ADAMTS17: variants seen among roughly 807,000 people sequenced by gnomAD.
ADAMTS17 encodes A disintegrin and metalloproteinase with thrombospondin motifs 17.
Under a neutral mutation model 141.5 loss-of-function variants are expected in ADAMTS17, and 113 were observed. That is an observed-to-expected ratio of 0.80 (90% confidence interval 0.69 to 0.93). The LOEUF is 0.93. ADAMTS17 is among the 40% of genes least tolerant of loss of function. The pLI is 0.00. For synonymous variants in ADAMTS17, 768 were observed against 630.6 expected (o/e 1.22, Z -3.27); for missense variants, 1,659 against 1,517.9 (o/e 1.09, Z -1.54).
chr15:99,984,381 C>T (rs566100476), intron 20 of ADAMTS17, among the ~76,000 whole-genome samples: 34 of 152,216 alleles, frequency 2.2e-4, no homozygotes, highest in African/African-American at 8.2e-4. Flanking sequence ...GCCATGCCGC[C>T]ATCACGTGTG....
At chr15:100,079,462 T>G (rs10152706) in intron 15 of ADAMTS17, among the ~76,000 whole-genome samples, 23,642 of 152,152 alleles carry the variant, frequency 0.16, 3,544 homozygotes, top group African/African-American at 0.4. Flanking sequence ...CGTATTATAC[T>G]ACTCCATTTA....
chr15:100,317,254 G>T (rs1420860324), intron 3 of ADAMTS17, among the ~76,000 whole-genome samples: 1 of 152,176 alleles, frequency 6.6e-6, no homozygotes, highest in Non-Finnish European at 1.5e-5. Context: ...TCTCCTCAAA[G>T]CTTGTGAGGC....
rs141266663 is a variant in ADAMTS17 at position 100,215,319 on chromosome 15, A to G, written c.1076-15896T>C. Among the ~76,000 whole-genome samples the G allele has an allele frequency of 1.2e-3, 182 of 152,314 alleles. 1 individual carries two copies. Among genetic ancestry groups the G allele is most frequent in the African/African-American group, 4.2e-3 (176 of 41,568 alleles). ...TTTCCTGGACTCTTTGTTAGATTTC[A>G]TGTCTGGATCTCGTCTGGAACATCT... On this transcript the variant is annotated intron_variant, in intron 7 of 21. Transcript: ENST00000268070.
intron 15 of ADAMTS17, among the ~76,000 whole-genome samples, chr15:100,089,929 A>T (rs2035348218): frequency 6.6e-6 from 1 of 151,832 alleles, no homozygotes; most frequent in Non-Finnish European, 1.5e-5. Context: ...ACTTGTATAC[A>T]TATGTAACAA....
intron 15 of ADAMTS17, among the ~76,000 whole-genome samples, chr15:100,057,608 G>A (rs1330883894): frequency 6.6e-6 from 1 of 152,178 alleles, no homozygotes; most frequent in African/African-American, 2.4e-5. Flanking sequence ...CTCCCTTTAA[G>A]CAATGGTACC....
chr15:100,337,287 G>A (rs1187310912), intron 2 of ADAMTS17, among the ~76,000 whole-genome samples: 5 of 152,252 alleles, frequency 3.3e-5, no homozygotes, highest in Non-Finnish European at 7.3e-5. Context: ...AATGTCCCAT[G>A]TGCCACAAAT....
chr15:100,086,935 G>T (rs2035142715), intron 15 of ADAMTS17, among the ~76,000 whole-genome samples: 1 of 152,150 alleles, frequency 6.6e-6, no homozygotes, highest in Non-Finnish European at 1.5e-5. Flanking sequence ...GAAAGAACCA[G>T]AGAATCAAGA....
chr15:100,059,324 A>G (rs1243693858), intron 15 of ADAMTS17, among the ~76,000 whole-genome samples: 2 of 152,236 alleles, frequency 1.3e-5, no homozygotes, highest in Non-Finnish European at 2.9e-5. Context: ...CTGCAAATGC[A>G]GCTTTCCAGC....
intron 15 of ADAMTS17, among the ~76,000 whole-genome samples, chr15:100,087,442 T>C (rs909282573): frequency 2.2e-5 from 3 of 137,200 alleles, no homozygotes; most frequent in Non-Finnish European, 4.5e-5. Flanking sequence ...CTTCTGAAAC[T>C]ATTCCAATCA....
At chr15:100,003,389 C>T (rs1053140033) in intron 18 of ADAMTS17, among the ~76,000 whole-genome samples, 1 of 152,022 alleles carries the variant, frequency 6.6e-6, no homozygotes, top group Non-Finnish European at 1.5e-5. Flanking sequence ...CCCAGGGAGG[C>T]GACTTGCTCT....
chr15:100,201,944 G>T (rs552883065), intron 7 of ADAMTS17, among the ~76,000 whole-genome samples: 3 of 152,184 alleles, frequency 2.0e-5, no homozygotes, highest in Admixed American at 2.0e-4. Flanking sequence ...GCACGCACAC[G>T]CTCAGACACA....
rs530639578 is a variant in ADAMTS17 at position 100,272,503 on chromosome 15, T to C, written c.789+8726A>G. On this transcript the variant is annotated intron_variant, in intron 4 of 21. Coordinates refer to ENST00000268070, the MANE Select transcript of ADAMTS17 (RefSeq NM_139057.4). The stretch of plus-strand genomic sequence containing the variant: ...TTCTTTTCAGATTATTGTTAGCATA[T>C]AGAAATGCAACTGATTTTTGTGGTT... Among the ~76,000 whole-genome samples, 23 of 150,842 alleles carry C rather than the reference T, an allele frequency of 1.5e-4. No homozygotes were observed. The South Asian group carries it at 4.7e-3, about 31-fold the overall frequency.
intron 20 of ADAMTS17, among the ~76,000 whole-genome samples, chr15:99,986,642 G>T (rs2060592706): frequency 6.6e-6 from 1 of 152,020 alleles, no homozygotes; most frequent in Non-Finnish European, 1.5e-5. Context: ...GTTAAGTCAT[G>T]GTTTTCTTTA....
chr15:100,285,786 G>A (rs545570941), intron 3 of ADAMTS17, among the ~76,000 whole-genome samples: 34 of 152,282 alleles, frequency 2.2e-4, no homozygotes, highest in Middle Eastern at 3.4e-3. Flanking sequence ...AGGGTTTTGC[G>A]TGGGAACAGG....
At chr15:100,165,114 C>T (rs1175986917) in intron 8 of ADAMTS17, among the ~76,000 whole-genome samples, 1 of 152,226 alleles carries the variant, frequency 6.6e-6, no homozygotes, top group Non-Finnish European at 1.5e-5. Context: ...GACTATAGGG[C>T]TGAAGCTCCT....
intron 18 of ADAMTS17, among the ~76,000 whole-genome samples, chr15:100,034,299 T>G (rs142904953): frequency 8.8e-4 from 134 of 152,364 alleles, no homozygotes; most frequent in African/African-American, 3.1e-3. Context: ...TGTGGGGCTG[T>G]CTGAGCCAGC....
intron 18 of ADAMTS17, among the ~76,000 whole-genome samples, chr15:100,048,253 G>T (rs1229739760): frequency 6.6e-6 from 1 of 152,158 alleles, no homozygotes; most frequent in Non-Finnish European, 1.5e-5. Flanking sequence ...CAACGTAATG[G>T]ATTCATTATT....
chr15:100,096,775 C>T (rs1478456729), intron 14 of ADAMTS17, among the ~76,000 whole-genome samples: 2 of 152,208 alleles, frequency 1.3e-5, no homozygotes, highest in African/African-American at 4.8e-5. Context: ...GGCCTGACGC[C>T]CTGACTGCCT....
At chr15:100,295,271 T>C (rs191426262) in intron 3 of ADAMTS17, among the ~76,000 whole-genome samples, 4 of 152,310 alleles carry the variant, frequency 2.6e-5, no homozygotes, top group Admixed American at 1.3e-4. Flanking sequence ...GCCCCTCTTC[T>C]GCACGCTGCT....
Sources: gnomAD v4.1 joint callset for allele counts (sites outside exome capture counted in the v4.1 genomes callset) on GRCh38, gnomAD v4.1.1 for gene constraint, MANE v1.5 for transcripts, NCBI Gene and HGNC (gene_info 2026-07-23, HGNC 2026-07-21) for gene names.